The following PTPN11 variants were observed in gnomAD, a reference collection of about 807,000 sequenced individuals.
PTPN11 encodes tyrosine-protein phosphatase non-receptor type 11.
Under a neutral mutation model 78.8 loss-of-function variants are expected in PTPN11, and 6 were observed. The ratio of observed to expected loss-of-function variants is 0.08; its 90% CI spans 0.04 to 0.15. The LOEUF is 0.15. Among genes scored for constraint, PTPN11 ranks in the 10% least tolerant of loss-of-function variants. PTPN11 has a pLI of 1.00. For synonymous variants in PTPN11, 221 were observed against 263.5 expected, an observed-to-expected ratio of 0.84 and a Z score of 1.56; for missense variants, 386 against 744.8, an observed-to-expected ratio of 0.52 and a Z score of 5.61.
At chr12:112,483,696 A>G (rs1295520121) in intron 10 of PTPN11, among the ~76,000 whole-genome samples, 5 of 152,116 alleles carry the variant, frequency 3.3e-5, no homozygotes, top group African/African-American at 7.2e-5. Flanking sequence ...CCGTCAGAGT[A>G]AAAAATAATA....
At chr12:112,497,812 A>C (rs2038830677) in intron 13 of PTPN11, among the ~76,000 whole-genome samples, 1 of 152,154 alleles carries the variant, frequency 6.6e-6, no homozygotes, top group South Asian at 2.1e-4. Flanking sequence ...ATTTGGAGGG[A>C]CATGGAAGTC....
At chr12:112,479,056 C>T (rs2038555686) in intron 9 of PTPN11, among the ~76,000 whole-genome samples, 1 of 152,104 alleles carries the variant, frequency 6.6e-6, no homozygotes, top group African/African-American at 2.4e-5. Flanking sequence ...TTAATTAACT[C>T]TGCCTAACTG....
At chr12:112,427,137 T>G (rs2037629857) in intron 1 of PTPN11, among the ~76,000 whole-genome samples, 1 of 151,954 alleles carries the variant, frequency 6.6e-6, no homozygotes. Flanking sequence ...TCACAGCTAC[T>G]TGGGAGGTTG....
chr12:112,432,697 G>C (rs973065800), intron 1 of PTPN11, among the ~76,000 whole-genome samples: 3 of 151,192 alleles, frequency 2.0e-5, no homozygotes, highest in East Asian at 1.9e-4. Context: ...GAATATTATG[G>C]GCCCAGCCAC....
At chr12:112,490,686 A>G (rs760639496) in intron 13 of PTPN11, among the ~76,000 whole-genome samples, 1 of 152,014 alleles carries the variant, frequency 6.6e-6, no homozygotes, top group Non-Finnish European at 1.5e-5. Flanking sequence ...GGCTCAAACA[A>G]CCCTCCCACT....
intron 1 of PTPN11, among the ~76,000 whole-genome samples, chr12:112,421,954 T>A (rs1009539020): frequency 6.6e-6 from 1 of 152,216 alleles, no homozygotes; most frequent in Non-Finnish European, 1.5e-5. Context: ...CTAGTATTAA[T>A]TCATTCAACA....
rs753269427 is a variant in PTPN11 at position 112,454,578 on chromosome 12, C to T, written c.540C>T (p.Asp180=). The T allele has an allele frequency of 5.6e-5, 90 of 1,612,400 alleles. No individual in the cohort carries two copies. The highest frequency in any genetic ancestry group is 7.2e-5 in the Non-Finnish European group (85 of 1,178,862). The part of the protein sequence containing the change: ...VMIRCQELKY[D]VGGGERFDSL... Reference sequence around the variant, plus strand: ...TATCTTGAAAGGAACTGAAATACGACGTTGGTGGAGGAGAACGGTTTGATT... The same window carrying T: ...TATCTTGAAAGGAACTGAAATACGATGTTGGTGGAGGAGAACGGTTTGATT... Residue 180 remains aspartate (D), a synonymous_variant, in exon 5 of 16, where the codon GAC becomes GAT. Transcript: ENST00000351677.
At chr12:112,484,403 C>T (rs751903304) in intron 10 of PTPN11, among the ~76,000 whole-genome samples, 3 of 152,122 alleles carry the variant, frequency 2.0e-5, no homozygotes, top group Non-Finnish European at 2.9e-5. Flanking sequence ...TGCATAGTTG[C>T]AGTGGATGGA....
At chr12:112,471,565 C>T (rs567743121) in intron 6 of PTPN11, among the ~76,000 whole-genome samples, 4 of 151,656 alleles carry the variant, frequency 2.6e-5, no homozygotes, top group African/African-American at 4.8e-5. Context: ...GTATATGCTA[C>T]GCCAATCCTT....
rs144255079 is a variant in PTPN11, at chr12:112,441,113, C to G, written c.15-5163C>G. Among the ~76,000 whole-genome samples the G allele has an allele frequency of 7.9e-3, 1,192 of 150,420 alleles. 16 individuals carry two copies. Among genetic ancestry groups the G allele is most frequent in the African/African-American group, 0.027 (1,100 of 40,972 alleles). On this transcript the variant is annotated intron_variant, in intron 1 of 15. Transcript: ENST00000351677. Reference sequence around the variant, plus strand: ...CTGAGTAACTGGGATTACAGGCATGCGCCACCATGCCCGGCTGATTTTGTA... The same window carrying G: ...CTGAGTAACTGGGATTACAGGCATGGGCCACCATGCCCGGCTGATTTTGTA...
At position 112,446,440 on chromosome 12, in the gene PTPN11, A is replaced by G. The variant is rs537273886; in HGVS notation, c.137+42A>G. 157 of 1,613,546 alleles carry G rather than the reference A, an allele frequency of 9.7e-5. 1 individual carries two copies. Among genetic ancestry groups the G allele is most frequent in the Middle Eastern group, 8.3e-4 (5 of 6,060 alleles). On this transcript the variant is annotated intron_variant, in intron 2 of 15. Transcript: ENST00000351677. ...AGAGAGGATCCTGAGAGTGTTTTCT[A>G]GGTAGGAAGTGGTAAAACCATGCTT...
chr12:112,477,109 C>T (rs539507975), intron 7 of PTPN11, among the ~76,000 whole-genome samples: 28 of 152,034 alleles, frequency 1.8e-4, no homozygotes, highest in Non-Finnish European at 3.8e-4. Context: ...GTCCGCCTCT[C>T]GGGTTCAAGC....
chr12:112,485,779 C>T lies in PTPN11; in HGVS notation c.1225-696C>T, dbSNP rs535768422. 3.3e-5 allele frequency among the ~76,000 whole-genome samples: 5 copies of T among 152,154 alleles called. No homozygotes were observed. In the South Asian group the frequency reaches 1.0e-3, roughly 32 times the overall value. ...ATCACCTGAGGTCAGGAGTTTGCAA[C>T]CAGCCTGGCCAATATGGCGAAAGAA... On this transcript the variant is annotated intron_variant, in intron 10 of 15. Coordinates refer to ENST00000351677, the MANE Select transcript of PTPN11 (RefSeq NM_002834.5).
chr12:112,440,259 A>C (rs1366820660), intron 1 of PTPN11, among the ~76,000 whole-genome samples: 1 of 152,218 alleles, frequency 6.6e-6, no homozygotes, highest in Middle Eastern at 3.4e-3. Context: ...TCCCGGGTGA[A>C]ATTCTATTCT....
At chr12:112,464,471 G>C (rs999856402) in intron 6 of PTPN11, among the ~76,000 whole-genome samples, 1 of 151,904 alleles carries the variant, frequency 6.6e-6, no homozygotes, top group African/African-American at 2.4e-5. Context: ...GTCTCACTCT[G>C]TCACCCAGGC....
At chr12:112,426,982 C>T (rs577867277) in intron 1 of PTPN11, among the ~76,000 whole-genome samples, 10 of 152,188 alleles carry the variant, frequency 6.6e-5, no homozygotes, top group South Asian at 6.2e-4. Context: ...TGGTGGCTCA[C>T]ACCTATAATA....
intron 9 of PTPN11, among the ~76,000 whole-genome samples, chr12:112,479,904 C>G (rs954711578): frequency 1.3e-5 from 2 of 152,072 alleles, no homozygotes; most frequent in Non-Finnish European, 2.9e-5. Flanking sequence ...TTGGTGGTGC[C>G]GAGAGGATGA....
At chr12:112,459,126 A>T (rs1302092973) in intron 6 of PTPN11, among the ~76,000 whole-genome samples, 1 of 152,168 alleles carries the variant, frequency 6.6e-6, no homozygotes, top group East Asian at 1.9e-4. Context: ...TGCCTAAATA[A>T]TAAAAGGCAG....
intron 2 of PTPN11, among the ~76,000 whole-genome samples, chr12:112,446,788 G>A (rs2038000445): frequency 6.6e-6 from 1 of 150,900 alleles, no homozygotes; most frequent in Non-Finnish European, 1.5e-5. Context: ...TGTTGGCCAG[G>A]TTGGCCTTGA....
Sources: allele counts gnomAD v4.1 joint callset (sites outside exome capture counted in the v4.1 genomes callset), GRCh38; gene constraint gnomAD v4.1.1; transcripts MANE v1.5; gene names NCBI Gene and HGNC (gene_info 2026-07-23, HGNC 2026-07-21).